Variants in DPP6 observed in about 807,000 individuals in gnomAD.
DPP6 encodes dipeptidyl peptidase like 6.
A neutral mutation model predicts 122.6 loss-of-function variants in DPP6; 69 were observed. That is an observed-to-expected ratio of 0.56 (90% CI 0.46 to 0.69). The LOEUF (loss-of-function observed/expected upper bound fraction) is 0.69, where lower values mean the gene tolerates loss of function less well. Ranked by LOEUF, DPP6 falls within the 30% of genes least tolerant of loss-of-function variation. DPP6 has a pLI of 0.00. For missense variants in DPP6, 928 were observed against 1,116.9 expected (o/e 0.83, Z 2.41); for synonymous variants, 418 against 433.1 (o/e 0.97, Z 0.43).
At chr7:153,855,247 A>G in the DPP6 span, among the ~76,000 whole-genome samples, 1 of 100,402 alleles carries the variant, frequency 1.0e-5, no homozygotes, top group African/African-American at 3.4e-5. Flanking sequence ...ATAAAAAAAA[A>G]GAAATAATAA....
intron 1 of DPP6, among the ~76,000 whole-genome samples, chr7:153,904,824 G>A (rs539876572): frequency 6.6e-6 from 1 of 152,212 alleles, no homozygotes; most frequent in Non-Finnish European, 1.5e-5. Context: ...CCTTCTGAAG[G>A]TTCACTGAAA....
At chr7:153,807,777 C>A in the DPP6 span, among the ~76,000 whole-genome samples, 57 of 152,020 alleles carry the variant, frequency 3.7e-4, no homozygotes, top group South Asian at 9.4e-3. Flanking sequence ...AAATACCTTC[C>A]GCCTTTGCCT....
the DPP6 span, among the ~76,000 whole-genome samples, chr7:153,775,913 ATT>A: frequency 6.6e-6 from 1 of 152,188 alleles, no homozygotes; most frequent in South Asian, 2.1e-4. Context: ...GATTAAAGAA[ATT>A]TTTAAAAAAG....
chr7:154,197,018 C>T (rs937532486), intron 1 of DPP6, among the ~76,000 whole-genome samples: 1 of 152,042 alleles, frequency 6.6e-6, no homozygotes, highest in African/African-American at 2.4e-5. Context: ...GGCTCTGAGT[C>T]TCTTCTCCCC....
At chr7:154,680,845 G>A (rs1007705681) in intron 7 of DPP6, among the ~76,000 whole-genome samples, 4 of 152,086 alleles carry the variant, frequency 2.6e-5, no homozygotes, top group African/African-American at 4.8e-5. Flanking sequence ...ATCACCCTCC[G>A]GGGATCACAG....
At chr7:154,557,207 C>A (rs569316718) in intron 4 of DPP6, among the ~76,000 whole-genome samples, 1 of 152,312 alleles carries the variant, frequency 6.6e-6, no homozygotes, top group African/African-American at 2.4e-5. Flanking sequence ...TGGTCACAAG[C>A]AGCCAAGTCC....
intron 11 of DPP6, among the ~76,000 whole-genome samples, chr7:154,794,848 G>T (rs1587162249): frequency 6.6e-3 from 2 of 304 alleles, no homozygotes; most frequent in African/African-American, 0.017. Context: ...GGCGGGTTTT[G>T]TAGACATCAA....
At chr7:154,177,460 G>T (rs191556657) in intron 1 of DPP6, among the ~76,000 whole-genome samples, 2 of 152,262 alleles carry the variant, frequency 1.3e-5, no homozygotes, top group East Asian at 3.9e-4. Context: ...TAAATCAACA[G>T]AAAGGATAAA....
At chr7:154,023,742 A>T (rs2628938) in intron 1 of DPP6, among the ~76,000 whole-genome samples, 1 of 152,130 alleles carries the variant, frequency 6.6e-6, no homozygotes, top group Non-Finnish European at 1.5e-5. Flanking sequence ...TTGGCCTCCC[A>T]AAGTGCTGGG....
chr7:154,472,974 G>A (rs1215669727), intron 2 of DPP6, among the ~76,000 whole-genome samples: 1 of 152,098 alleles, frequency 6.6e-6, no homozygotes, highest in Non-Finnish European at 1.5e-5. Context: ...TGAATACATT[G>A]CCTTTTCATC....
chr7:154,877,812 C>T lies in DPP6; in HGVS notation c.2078+1712C>T, dbSNP rs1041381912. On this transcript the variant is annotated intron_variant, in intron 20 of 25. Coordinates refer to ENST00000377770, the MANE Select transcript of DPP6 (RefSeq NM_130797.4). This position sits in a 1 kb window ranked among gnomAD's most constrained non-coding sequence, Gnocchi z 5.2. ...AGCCCCCCCAGAGACCAAGTGGGTC[C>T]GTCTGACACCAGTGTGGGGCCAGCC... Among the ~76,000 whole-genome samples the T allele has an allele frequency of 6.6e-6, 1 of 152,156 alleles. No homozygotes were observed. Among genetic ancestry groups the T allele is most frequent in the African/African-American group, 2.4e-5 (1 of 41,440 alleles).
chr7:154,892,565 AG>A lies in DPP6; in HGVS notation c.*89del. The A allele has an allele frequency of 1.5e-6, 1 of 684,822 alleles. No individual in the cohort carries two copies. Among genetic ancestry groups the A allele is most frequent in the Non-Finnish European group, 2.4e-6 (1 of 413,350 alleles). 42.4% of individuals were successfully genotyped at this position (684,822 alleles called of 1,614,324 possible). ...TTCCCTGCCCTCCCTCTTCCCTCGG[AG>A]GGGCGGGGCGGGGCGGGGCCGGGTG... On this transcript the variant is annotated 3_prime_UTR_variant, in exon 26 of 26. Transcript: ENST00000377770.
intron 1 of DPP6, among the ~76,000 whole-genome samples, chr7:154,176,703 A>T (rs1196967695): frequency 2.0e-5 from 3 of 152,160 alleles, no homozygotes; most frequent in Non-Finnish European, 4.4e-5. Flanking sequence ...CCCTGCCCTG[A>T]CCACCTGCGT....
intron 1 of DPP6, among the ~76,000 whole-genome samples, chr7:154,432,025 C>T (rs1818470033): frequency 6.6e-6 from 1 of 152,160 alleles, no homozygotes; most frequent in Non-Finnish European, 1.5e-5. Flanking sequence ...CTCCACCCTC[C>T]ACTTCCCTTG....
chr7:154,234,474 A>G (rs191296981), intron 1 of DPP6, among the ~76,000 whole-genome samples: 20 of 152,250 alleles, frequency 1.3e-4, no homozygotes, highest in Admixed American at 3.3e-4. Context: ...CAGGACCCCA[A>G]CAGCCAGGCA....
chr7:154,872,824 C>T (rs2293355), intron 19 of DPP6, 131 bp downstream of exon 19: 18 of 1,491,786 alleles, frequency 1.2e-5, no homozygotes, highest in Non-Finnish European at 1.6e-5. Context: ...GAAAACATAA[C>T]ATCGTTTAGC....
chr7:154,754,636 A>T (rs1563173364), intron 8 of DPP6, among the ~76,000 whole-genome samples: 1 of 152,250 alleles, frequency 6.6e-6, no homozygotes. Flanking sequence ...ATAATTGTGA[A>T]CATTCCTTTT....
intron 1 of DPP6, among the ~76,000 whole-genome samples, chr7:153,959,298 GGTGTCCTGGTGC>G (rs1391868109): frequency 4.4e-3 from 52 of 11,926 alleles, no homozygotes; most frequent in African/African-American, 0.017. Context: ...ATGAACCCCA[GGTGTCCTGGTGC>G]TCACCTGTGG....
chr7:154,581,890 C>T (rs1054836727), intron 5 of DPP6, among the ~76,000 whole-genome samples: 2 of 152,200 alleles, frequency 1.3e-5, no homozygotes, highest in African/African-American at 2.4e-5. Flanking sequence ...CCTGCCTTCT[C>T]CTGCTGCTAG....
Sources: gnomAD v4.1 joint callset for allele counts (sites outside exome capture counted in the v4.1 genomes callset) on GRCh38, gnomAD v4.1.1 for gene constraint, Gnocchi (gnomAD v3.1) non-coding constraint, MANE v1.5 for transcripts, NCBI Gene and HGNC (gene_info 2026-07-23, HGNC 2026-07-21) for gene names.